ASAP1: variants seen among roughly 807,000 people sequenced by gnomAD.
ASAP1 encodes arf-GAP with SH3 domain, ANK repeat and PH domain-containing protein 1.
Under a neutral mutation model 145.2 loss-of-function variants are expected in ASAP1, and 43 were observed. That is an observed-to-expected ratio of 0.30 (90% confidence interval 0.23 to 0.38). The LOEUF (loss-of-function observed/expected upper bound fraction) is 0.38, where lower values mean the gene tolerates loss of function less well. Among genes scored for constraint, ASAP1 ranks in the 10% least tolerant of loss-of-function variants. The pLI, the probability that ASAP1 is intolerant of heterozygous loss-of-function variation, is 1.00. For missense variants in ASAP1, 1,018 were observed against 1,355.3 expected (o/e 0.75, Z 3.91); for synonymous variants, 546 against 515.5 (o/e 1.06, Z -0.80).
intron 27 of ASAP1, among the ~76,000 whole-genome samples, chr8:130,061,541 GT>G (rs2097419582): frequency 6.6e-6 from 1 of 152,004 alleles, no homozygotes; most frequent in Non-Finnish European, 1.5e-5. Flanking sequence ...ATTTTGAATG[GT>G]GCATTCTATT....
chr8:130,326,676 A>G (rs1212037688), intron 3 of ASAP1, among the ~76,000 whole-genome samples: 1 of 152,250 alleles, frequency 6.6e-6, no homozygotes, highest in African/African-American at 2.4e-5. Flanking sequence ...AAATAAATGT[A>G]AATGTTCAAG....
chr8:130,121,770 G>A (rs1324429495), intron 18 of ASAP1, among the ~76,000 whole-genome samples: 1 of 95,212 alleles, frequency 1.1e-5, no homozygotes, highest in African/African-American at 3.9e-5. Flanking sequence ...GGCTATGAGA[G>A]TGAAATTCCA....
At chr8:130,142,896 G>C (rs2097615858) in intron 13 of ASAP1, among the ~76,000 whole-genome samples, 1 of 152,098 alleles carries the variant, frequency 6.6e-6, no homozygotes, top group African/African-American at 2.4e-5. Flanking sequence ...GGCAGTTGGT[G>C]GGAAAGGTAG....
chr8:130,255,390 T>C (rs543873022), intron 3 of ASAP1, among the ~76,000 whole-genome samples: 3 of 152,232 alleles, frequency 2.0e-5, no homozygotes, highest in African/African-American at 7.2e-5. Context: ...ATGTACCTAA[T>C]AAATGTTTTA....
At chr8:130,412,580 C>T (rs143886785) in intron 1 of ASAP1, among the ~76,000 whole-genome samples, 54 of 152,066 alleles carry the variant, frequency 3.6e-4, no homozygotes, top group Admixed American at 1.1e-3. Context: ...ACCCAGTCTC[C>T]GATATTTCTT....
At chr8:130,129,988 C>T (rs921484207) in intron 15 of ASAP1, among the ~76,000 whole-genome samples, 1 of 152,318 alleles carries the variant, frequency 6.6e-6, no homozygotes, top group East Asian at 1.9e-4. Context: ...GGACTGATTA[C>T]TGCATTTTAT....
At chr8:130,443,135 G>A (rs1171293799) in intron 1 of ASAP1, among the ~76,000 whole-genome samples, 5 of 152,022 alleles carry the variant, frequency 3.3e-5, no homozygotes. Context: ...CCCGGAGGGG[G>A]ACGCGAAACC....
intron 2 of ASAP1, among the ~76,000 whole-genome samples, chr8:130,381,400 A>T (rs1308441436): frequency 6.6e-6 from 1 of 152,150 alleles, no homozygotes; most frequent in East Asian, 1.9e-4. Context: ...TTGAAAGAAA[A>T]ATTATTAATG....
intron 13 of ASAP1, among the ~76,000 whole-genome samples, chr8:130,139,332 G>A (rs2097603875): frequency 6.6e-6 from 1 of 152,152 alleles, no homozygotes; most frequent in African/African-American, 2.4e-5. Context: ...GAAGATTTGG[G>A]CCAGAAATAA....
intron 1 of ASAP1, among the ~76,000 whole-genome samples, chr8:130,418,421 G>A (rs747248936): frequency 4.6e-5 from 7 of 152,098 alleles, no homozygotes; most frequent in Non-Finnish European, 8.8e-5. Context: ...GGTGGCATGA[G>A]CCTGTAATCC....
At chr8:130,136,872 A>C in intron 14 of ASAP1, 79 bp downstream of exon 14, 1 of 1,233,462 alleles carries the variant, frequency 8.1e-7, no homozygotes, top group Non-Finnish European at 1.2e-6. Context: ...CTGCTTGGAA[A>C]AGCTGCTGAC....
At chr8:130,352,333 G>A (rs1025695429) in intron 3 of ASAP1, among the ~76,000 whole-genome samples, 6 of 151,148 alleles carry the variant, frequency 4.0e-5, no homozygotes, top group African/African-American at 1.5e-4. Flanking sequence ...TAAAATTTAA[G>A]AGGTAATGCA....
At chr8:130,238,792 T>C (rs1182937102) in intron 3 of ASAP1, among the ~76,000 whole-genome samples, 1 of 151,962 alleles carries the variant, frequency 6.6e-6, no homozygotes, top group Non-Finnish European at 1.5e-5. Context: ...AGCCAGAAAA[T>C]GCTAATGTCA....
chr8:130,288,912 C>A (rs976421889), intron 3 of ASAP1, among the ~76,000 whole-genome samples: 1 of 152,238 alleles, frequency 6.6e-6, no homozygotes, highest in Non-Finnish European at 1.5e-5. Context: ...CAAGGCTGGG[C>A]GCGGTGGCTC....
intron 3 of ASAP1, among the ~76,000 whole-genome samples, chr8:130,302,570 T>A (rs1014222137): frequency 6.6e-6 from 1 of 152,206 alleles, no homozygotes; most frequent in African/African-American, 2.4e-5. Context: ...AAGTTCTTTA[T>A]CCAGATCAGC....
At position 130,204,950 on chromosome 8, in the gene ASAP1, A is replaced by G. The variant is rs564547069; in HGVS notation, c.405+9606T>C. Among the ~76,000 whole-genome samples, 5 of 152,368 alleles carry G rather than the reference A, an allele frequency of 3.3e-5. No homozygotes were observed. The East Asian group carries it at 9.6e-4, about 29-fold the overall frequency. On this transcript the variant is annotated intron_variant, in intron 5 of 29. Transcript: ENST00000518721. Reference sequence around the variant, plus strand: ...CTGTTATCAGAATTACTTGTATAGTAAAAGTTAACCATAAAAATAAAAATA... The same window carrying G: ...CTGTTATCAGAATTACTTGTATAGTGAAAGTTAACCATAAAAATAAAAATA...
At chr8:130,168,527 T>C (rs759664835) in intron 10 of ASAP1, among the ~76,000 whole-genome samples, 5 of 152,096 alleles carry the variant, frequency 3.3e-5, no homozygotes, top group Non-Finnish European at 5.9e-5. Flanking sequence ...AAGGCGGACA[T>C]TGCAGTGAGC....
At chr8:130,387,758 C>A (rs1406620120) in intron 2 of ASAP1, among the ~76,000 whole-genome samples, 1 of 151,808 alleles carries the variant, frequency 6.6e-6, no homozygotes, top group African/African-American at 2.4e-5. Flanking sequence ...AAATAACAGG[C>A]CTAGAATTGG....
In ASAP1 at chr8:130,194,954, G is replaced by A. The variant is rs549644761; in HGVS notation, c.406-6771C>T. Among the ~76,000 whole-genome samples the A allele has an allele frequency of 5.9e-5, 9 of 152,172 alleles. No homozygotes were observed. In the East Asian group the frequency reaches 7.7e-4, roughly 13 times the overall value. ...TCTCCAAGGCACTTACAATACAGCC[G>A]ACATAATACAATAACAGTATCAGTA... On this transcript the variant is annotated intron_variant, in intron 5 of 29. Transcript: ENST00000518721.
Sources: allele counts gnomAD v4.1 joint callset (sites outside exome capture counted in the v4.1 genomes callset), GRCh38; gene constraint gnomAD v4.1.1; transcripts MANE v1.5; gene names NCBI Gene and HGNC (gene_info 2026-07-23, HGNC 2026-07-21).